The following SLC35H1 variants were observed in gnomAD, a reference collection of about 807,000 sequenced individuals.
The protein encoded by SLC35H1 is solute carrier family 35 member H1.
the SLC35H1 span, chr20:46,362,995 G>A: frequency 0.99 from 151,610 of 152,462 alleles, 75,385 homozygotes; most frequent in Middle Eastern, 1. Flanking sequence ...CGAACTCCCG[G>A]CCTCAGGTGA....
the SLC35H1 span, chr20:46,349,697 C>T: frequency 2.0e-5 from 3 of 152,544 alleles, no homozygotes. Flanking sequence ...AGTATTCAAA[C>T]TAGGCTGTGA....
At chr20:46,356,364 G>A in the SLC35H1 span, among the ~76,000 whole-genome samples, 2 of 152,224 alleles carry the variant, frequency 1.3e-5, no homozygotes, top group Non-Finnish European at 2.9e-5. Context: ...CTGCCTGGCA[G>A]GTGGGCACAG....
At chr20:46,355,793 G>A in the SLC35H1 span, 2 of 1,613,994 alleles carry the variant, frequency 1.2e-6, no homozygotes, top group Non-Finnish European at 1.7e-6. The surrounding 1 kb of genome is among the most constrained non-coding windows in gnomAD (Gnocchi z 4.8). Context: ...AGAGACGCTG[G>A]GGCCTCACCA....
chr20:46,350,913 G>C, the SLC35H1 span: 1 of 1,612,918 alleles, frequency 6.2e-7, no homozygotes. Flanking sequence ...AAGCAGGAGG[G>C]AGCATGATCA....
chr20:46,350,968 C>T, the SLC35H1 span: 3 of 1,556,202 alleles, frequency 1.9e-6, no homozygotes. Flanking sequence ...AAGGTGGGGG[C>T]ACTAGGTACA....
the SLC35H1 span, chr20:46,349,115 G>A: frequency 2.6e-5 from 4 of 152,268 alleles, no homozygotes; most frequent in African/African-American, 4.8e-5. Flanking sequence ...CTGGATAGCC[G>A]TGGCAGGGCA....
chr20:46,356,601 C>T, the SLC35H1 span: 3 of 1,614,112 alleles, frequency 1.9e-6, no homozygotes, highest in Non-Finnish European at 2.5e-6. Context: ...CAGGAAGCTC[C>T]AGTTGGACAA....
At chr20:46,360,567 G>A in the SLC35H1 span, among the ~76,000 whole-genome samples, 3 of 150,654 alleles carry the variant, frequency 2.0e-5, no homozygotes, top group East Asian at 5.8e-4. Context: ...TTTTTGAGAC[G>A]AAGTTTCGCT....
At chr20:46,356,506 A>AGAC in the SLC35H1 span, 1 of 1,509,046 alleles carries the variant, frequency 6.6e-7, no homozygotes. Flanking sequence ...CCGGGTGTGC[A>AGAC]GACACCCCGC....
chr20:46,360,106 G>A, the SLC35H1 span, among the ~76,000 whole-genome samples: 68 of 152,244 alleles, frequency 4.5e-4, no homozygotes, highest in South Asian at 8.3e-4. Flanking sequence ...TCTGCATCCC[G>A]CACGACTTTG....
At chr20:46,352,329 C>T in the SLC35H1 span, 3 of 972,236 alleles carry the variant, frequency 3.1e-6, no homozygotes, top group Non-Finnish European at 4.7e-6. Context: ...TGAGTTCTTA[C>T]TGAGACCTGC....
At chr20:46,362,011 C>A in the SLC35H1 span, among the ~76,000 whole-genome samples, 3 of 152,194 alleles carry the variant, frequency 2.0e-5, no homozygotes, top group African/African-American at 7.2e-5. Flanking sequence ...TGGCCCAGTT[C>A]CCCTGCCTCC....
the SLC35H1 span, chr20:46,356,746 G>A: frequency 2.0e-6 from 2 of 1,019,262 alleles, no homozygotes; most frequent in Non-Finnish European, 1.5e-6. Flanking sequence ...CCATCCCGGT[G>A]CCTCCTGTGG....
the SLC35H1 span, chr20:46,350,442 T>C: frequency 1.2e-6 from 2 of 1,613,616 alleles, no homozygotes; most frequent in African/African-American, 2.7e-5. Flanking sequence ...CATTGTCACC[T>C]TCCTCCCGCT....
the SLC35H1 span, chr20:46,354,861 G>C: frequency 1.3e-6 from 2 of 1,573,344 alleles, no homozygotes; most frequent in Admixed American, 1.9e-5. Flanking sequence ...AGGTGCCCTT[G>C]AGAGGGAAGG....
chr20:46,350,203 G>C, the SLC35H1 span: 105 of 541,058 alleles, frequency 1.9e-4, no homozygotes, highest in African/African-American at 1.9e-3. Context: ...AGGCTGGCCT[G>C]GTGCTCGCCC....
the SLC35H1 span, chr20:46,358,984 C>T: frequency 1.8e-6 from 1 of 567,534 alleles, no homozygotes; most frequent in Non-Finnish European, 3.2e-6. Flanking sequence ...CTGATCATGT[C>T]AGGCCACTGC....
chr20:46,364,030 G>A, the SLC35H1 span: 1 of 152,208 alleles, frequency 6.6e-6, no homozygotes, highest in East Asian at 1.9e-4. Flanking sequence ...ACGTTTCCTT[G>A]TTTGCTCACG....
the SLC35H1 span, chr20:46,352,197 A>T: frequency 1.9e-6 from 3 of 1,614,168 alleles, no homozygotes; most frequent in East Asian, 6.7e-5. Context: ...TGGAAACGGA[A>T]GATTTTCTCA....
Sources: allele counts gnomAD v4.1 joint callset (sites outside exome capture counted in the v4.1 genomes callset), GRCh38; gene constraint gnomAD v4.1.1; non-coding constraint Gnocchi (gnomAD v3.1); transcripts MANE v1.5; gene names NCBI Gene and HGNC (gene_info 2026-07-23, HGNC 2026-07-21).